TDRD12: variants seen among roughly 807,000 people sequenced by gnomAD.
The protein encoded by TDRD12 is tudor domain containing 12.
In TDRD12, 158 loss-of-function variants were observed where a neutral mutation model predicts 133.5. The observed-to-expected ratio is 1.18, with a 90% CI of 1.04 to 1.35. The LOEUF is 1.35. Ranked by LOEUF, TDRD12 falls within the 40% of genes most tolerant of loss-of-function variation. TDRD12 has a pLI of 0.00. For missense variants in TDRD12, 1,443 were observed against 1,321.3 expected, an observed-to-expected ratio of 1.09 and a Z score of -1.43; for synonymous variants, 460 against 477.9, an observed-to-expected ratio of 0.96 and a Z score of 0.49.
At chr19:32,821,933 C>CT (rs1967410875), downstream of TDRD12, among the ~76,000 whole-genome samples, 1 of 152,108 alleles carries the variant, frequency 6.6e-6, no homozygotes, top group African/African-American at 2.4e-5. Flanking sequence ...CGTGTATGAA[C>CT]TTGGCACTGA....
At position 32,763,395 on chromosome 19, in the gene TDRD12, C is replaced by T. The variant is rs1000907787; in HGVS notation, c.865+6265C>T. Among the ~76,000 whole-genome samples the T allele has an allele frequency of 3.9e-5, 6 of 152,238 alleles. No homozygotes were observed. The East Asian group carries it at 1.2e-3, about 29-fold the overall frequency. The stretch of plus-strand genomic sequence containing the variant: ...CTCAGGTGCCCCTCAGCATCCCTCA[C>T]CTCTCACCTTATGTGGGACAGGATG... On this transcript the variant is annotated intron_variant, in intron 8 of 27. Coordinates refer to ENST00000444215, the Ensembl canonical transcript of TDRD12.
chr19:32,810,188 T>G (rs1966951735), exon 23 of TDRD12: 1 of 1,535,930 alleles, frequency 6.5e-7, no homozygotes, highest in South Asian at 1.2e-5. Flanking sequence ...CTGAAATGAA[T>G]GAGTATTTTA....
chr19:32,800,230 C>T (rs749350244), exon 17 of TDRD12: 25 of 1,533,594 alleles, frequency 1.6e-5, no homozygotes, highest in Non-Finnish European at 2.1e-5. Context: ...ATCTGCACCA[C>T]ATCAGATTGT....
intron 1 of TDRD12, among the ~76,000 whole-genome samples, chr19:32,727,403 C>T (rs1254662677): frequency 2.0e-5 from 3 of 152,088 alleles, no homozygotes; most frequent in South Asian, 2.1e-4. Flanking sequence ...ATATTTTCCC[C>T]CATTCCATAA....
chr19:32,738,684 G>A lies in TDRD12; in HGVS notation c.184-172G>A, dbSNP rs569816082. ...AAAAATTAGCCAGGCATGGCGGCAG[G>A]CACCTGTAATCCCAGCTACTTGGGA... On this transcript the variant is annotated intron_variant, in intron 2 of 27. Coordinates refer to ENST00000444215, the Ensembl canonical transcript of TDRD12. Among the ~76,000 whole-genome samples, 123 of 152,196 alleles carry A rather than the reference G, an allele frequency of 8.1e-4. 1 individual carries two copies. The highest frequency in any genetic ancestry group is 3.4e-3 in the Middle Eastern group (1 of 294).
chr19:32,721,834 A>G (rs948175495), intron 1 of TDRD12, among the ~76,000 whole-genome samples: 1 of 150,922 alleles, frequency 6.6e-6, no homozygotes, highest in African/African-American at 2.4e-5. Flanking sequence ...CAGCCTCCCA[A>G]GTAGCTGGGA....
intron 1 of TDRD12, among the ~76,000 whole-genome samples, chr19:32,727,482 TTG>T (rs1490675809): frequency 6.6e-6 from 1 of 152,172 alleles, no homozygotes; most frequent in African/African-American, 2.4e-5. Context: ...GAAGCCCAGT[TTG>T]TCTATTTTTT....
chr19:32,817,513 G>A (rs1222223687), intron 26 of TDRD12, among the ~76,000 whole-genome samples: 4 of 151,946 alleles, frequency 2.6e-5, no homozygotes, highest in African/African-American at 7.3e-5. Flanking sequence ...ATCTTCCTGC[G>A]CACACCTGGG....
In TDRD12 at chr19:32,811,431, T is replaced by G; in HGVS notation, c.3048+11T>G. 3 of 1,535,474 alleles carry G rather than the reference T, an allele frequency of 2.0e-6. No homozygotes were observed. The highest frequency in any genetic ancestry group is 2.6e-6 in the Non-Finnish European group (3 of 1,146,402). ...GAATGGAATCCGAAGGTGGGTGATT[T>G]TGGCTTTTTATCTATTGTTGACTTT... On this transcript the variant is annotated intron_variant, in intron 24 of 27. Transcript: ENST00000444215.
chr19:32,800,637 T>C lies in TDRD12; in HGVS notation c.1951-7T>C. On this transcript the variant is annotated splice_polypyrimidine_tract_variant and splice_region_variant and intron_variant, in intron 17 of 27. Coordinates refer to ENST00000444215, the Ensembl canonical transcript of TDRD12. ...AAAGTCACATTGTTTCTGTGCTTCA[T>C]TACCAGGTAGTACATCTTTGCCTAG... 1 of 1,532,770 alleles carries C rather than the reference T, an allele frequency of 6.5e-7. No homozygotes were observed. The highest frequency in any genetic ancestry group is 8.7e-7 in the Non-Finnish European group (1 of 1,145,848). The allele number at this position is 1,532,770 out of a possible 1,614,324, so 94.9% of individuals were successfully genotyped here.
intron 8 of TDRD12, among the ~76,000 whole-genome samples, chr19:32,766,995 C>T: frequency 6.6e-6 from 1 of 152,056 alleles, no homozygotes; most frequent in East Asian, 1.9e-4. Flanking sequence ...AGTCTACCTT[C>T]AAGCAGTATT....
At chr19:32,795,259 G>T (rs755132766) in intron 14 of TDRD12, among the ~76,000 whole-genome samples, 6 of 151,734 alleles carry the variant, frequency 4.0e-5, no homozygotes, top group Non-Finnish European at 8.8e-5. Context: ...CTTGAACCTG[G>T]GAGGCGAAGG....
chr19:32,824,376 G>A (rs1967513812), downstream of TDRD12: 1 of 152,972 alleles, frequency 6.5e-6, no homozygotes, highest in Non-Finnish European at 1.5e-5. Flanking sequence ...CTCCTCTGCA[G>A]ACGTGACACC....
intron 8 of TDRD12, among the ~76,000 whole-genome samples, chr19:32,767,676 G>C (rs550327643): frequency 2.1e-3 from 321 of 152,252 alleles, no homozygotes; most frequent in Non-Finnish European, 3.9e-3. Flanking sequence ...CAGCTAGCTG[G>C]GGGGCAGGGA....
chr19:32,801,400 A>G (rs1971386177), intron 18 of TDRD12, among the ~76,000 whole-genome samples: 1 of 152,202 alleles, frequency 6.6e-6, no homozygotes, highest in Non-Finnish European at 1.5e-5. Flanking sequence ...GCAGTCAGCT[A>G]GAAGTATAGT....
chr19:32,748,662 AC>A (rs1383180875), intron 5 of TDRD12, 131 bp downstream of exon 5: 1 of 787,826 alleles, frequency 1.3e-6, no homozygotes, highest in Non-Finnish European at 2.0e-6. Flanking sequence ...TCCCTAAGCT[AC>A]CTGGGGCTTC....
At chr19:32,759,062 T>C in intron 8 of TDRD12, among the ~76,000 whole-genome samples, 1 of 152,026 alleles carries the variant, frequency 6.6e-6, no homozygotes, top group East Asian at 1.9e-4. Flanking sequence ...GCCAACATGG[T>C]GAAACCCCGT....
chr19:32,817,159 T>C (rs1312887034), intron 26 of TDRD12, among the ~76,000 whole-genome samples: 1 of 152,244 alleles, frequency 6.6e-6, no homozygotes, highest in African/African-American at 2.4e-5. Context: ...ATTTAAACTC[T>C]TTTTAAGTGT....
chr19:32,777,154 T>G lies in TDRD12; in HGVS notation c.1046T>G (p.Leu349Ter), dbSNP rs747103273. 9.1e-6 allele frequency: 14 copies of G among 1,540,166 alleles called. No individual in the cohort carries two copies. Among genetic ancestry groups the G allele is most frequent in the Non-Finnish European group, 1.1e-5 (13 of 1,142,836 alleles). ...TTTTTTTTTTTCATTTCTAGTGCTT[T>G]AAGTCAGAAGTCAAATGAGAAACCT... Residue 349 changes from leucine to a stop codon, truncating the protein, a stop_gained, in exon 11 of 28, where the codon TTA becomes TGA. Coordinates refer to ENST00000444215, the Ensembl canonical transcript of TDRD12. LOFTEE classifies it high-confidence loss of function.
Sources: allele counts gnomAD v4.1 joint callset (sites outside exome capture counted in the v4.1 genomes callset), GRCh38; gene constraint gnomAD v4.1.1; transcripts MANE v1.5; gene names NCBI Gene and HGNC (gene_info 2026-07-23, HGNC 2026-07-21).